Variants in KIAA0825 observed in about 807,000 individuals in gnomAD.
KIAA0825 encodes the protein KIAA0825.
A neutral mutation model predicts 147.6 loss-of-function variants in KIAA0825; 119 were observed. That is an observed-to-expected ratio of 0.81 (90% CI 0.69 to 0.94). The LOEUF (loss-of-function observed/expected upper bound fraction) is 0.94. KIAA0825 is among the 40% of genes least tolerant of loss of function. The pLI is 0.00. For missense variants in KIAA0825, 1,381 were observed against 1,472.7 expected (o/e 0.94, Z 1.02); for synonymous variants, 470 against 518.1 (o/e 0.91, Z 1.26).
At chr5:94,386,735 C>G (rs1036464978) in intron 18 of KIAA0825, among the ~76,000 whole-genome samples, 3 of 152,170 alleles carry the variant, frequency 2.0e-5, no homozygotes, top group African/African-American at 7.2e-5. Context: ...TGTCTGGTTA[C>G]CAAAACTTAA....
chr5:94,449,335 A>C lies in KIAA0825; in HGVS notation c.2357+3624T>G, dbSNP rs190975720. 2.6e-3 allele frequency among the ~76,000 whole-genome samples: 390 copies of C among 152,278 alleles called. 1 individual carries two copies. The highest frequency in any genetic ancestry group is 9.0e-3 in the African/African-American group (373 of 41,556). On this transcript the variant is annotated intron_variant, in intron 13 of 20. Coordinates refer to ENST00000682413, the MANE Select transcript of KIAA0825 (RefSeq NM_001145678.3). Reference sequence around the variant, plus strand: ...TCTGAATGAGAGAGAGATATAATGAAAACAGTCTTTTAAACACGTTAAATG... The same window carrying C: ...TCTGAATGAGAGAGAGATATAATGACAACAGTCTTTTAAACACGTTAAATG...
chr5:94,364,848 C>A (rs1584264098), intron 20 of KIAA0825, among the ~76,000 whole-genome samples: 1 of 152,086 alleles, frequency 6.6e-6, no homozygotes, highest in East Asian at 1.9e-4. Flanking sequence ...AAAGTGCAGC[C>A]TGTAAAATCG....
chr5:94,217,287 CA>C (rs1773291226), intron 20 of KIAA0825, among the ~76,000 whole-genome samples: 1 of 152,024 alleles, frequency 6.6e-6, no homozygotes, highest in Non-Finnish European at 1.5e-5. Flanking sequence ...AAATAAATAG[CA>C]TAGTGAAAAA....
At chr5:94,343,149 A>T (rs924707213) in intron 20 of KIAA0825, among the ~76,000 whole-genome samples, 7 of 152,224 alleles carry the variant, frequency 4.6e-5, no homozygotes, top group African/African-American at 7.2e-5. Context: ...ATCAATTGAT[A>T]TCTTATGAAG....
chr5:94,602,959 G>C lies in KIAA0825; in HGVS notation c.-153+15541C>G, dbSNP rs758120747. Among the ~76,000 whole-genome samples the C allele has an allele frequency of 2.0e-5, 3 of 151,992 alleles. No individual in the cohort carries two copies. In the South Asian group the frequency reaches 6.2e-4, roughly 32 times the overall value. On this transcript the variant is annotated intron_variant, in intron 1 of 20. Coordinates refer to ENST00000682413, the MANE Select transcript of KIAA0825 (RefSeq NM_001145678.3). ...TTCTCCCACCTCAGCCTCCCAAGTA[G>C]TTGGGATTACAGGTGCCTGCCATTG...
intron 20 of KIAA0825, among the ~76,000 whole-genome samples, chr5:94,217,081 TTC>T (rs1449126046): frequency 1.3e-5 from 2 of 152,208 alleles, no homozygotes; most frequent in African/African-American, 4.8e-5. Context: ...AAGGATTTTT[TTC>T]TCTTTTACTA....
In KIAA0825 at chr5:94,152,856, T is replaced by TTA. The variant is rs1175360792; in HGVS notation, c.*1149_*1150dup. ...AAAAAAAAAAAAAAAAAAAAAAAAA[T>TTA]TATATATATATATATATATATATAT... On this transcript the variant is annotated 3_prime_UTR_variant, in exon 21 of 21. Coordinates refer to ENST00000682413, the MANE Select transcript of KIAA0825 (RefSeq NM_001145678.3). 20 of 2,774 alleles carry TTA rather than the reference T, an allele frequency of 7.2e-3. No individual in the cohort carries two copies. The highest frequency in any genetic ancestry group is 0.024 in the South Asian group (1 of 42). 0.2% of individuals were successfully genotyped at this position (2,774 alleles called of 1,614,324 possible).
intron 2 of KIAA0825, among the ~76,000 whole-genome samples, chr5:94,558,211 A>G (rs1584885617): frequency 6.6e-6 from 1 of 152,168 alleles, no homozygotes; most frequent in South Asian, 2.1e-4. Flanking sequence ...GAGGCTTGCC[A>G]CCATCTTGGA....
chr5:94,593,901 A>G (rs1212210494), intron 1 of KIAA0825: 3 of 416,356 alleles, frequency 7.2e-6, no homozygotes, highest in Admixed American at 3.2e-5. Context: ...CCTCATTTGG[A>G]CGAAGTGGGA....
intron 5 of KIAA0825, among the ~76,000 whole-genome samples, chr5:94,513,590 C>T (rs936714942): frequency 1.3e-5 from 2 of 152,060 alleles, no homozygotes; most frequent in Non-Finnish European, 2.9e-5. Context: ...TTGTGCCCTT[C>T]TGTCTTTAGA....
chr5:94,611,019 AC>A (rs1788670942), intron 1 of KIAA0825, among the ~76,000 whole-genome samples: 1 of 152,038 alleles, frequency 6.6e-6, no homozygotes, highest in Non-Finnish European at 1.5e-5. Context: ...GTTGCTAGAA[AC>A]AACTGCAGCT....
At chr5:94,418,330 T>A (rs757176903) in intron 14 of KIAA0825, among the ~76,000 whole-genome samples, 1 of 152,178 alleles carries the variant, frequency 6.6e-6, no homozygotes, top group Non-Finnish European at 1.5e-5. Flanking sequence ...AGAAATAACA[T>A]CATAGACTTT....
intron 20 of KIAA0825, among the ~76,000 whole-genome samples, chr5:94,352,941 G>A (rs1180071577): frequency 6.7e-6 from 1 of 148,302 alleles, no homozygotes; most frequent in African/African-American, 2.5e-5. Flanking sequence ...GTGGGAGGGG[G>A]GTGAGGGCTA....
chr5:94,436,256 G>A lies in KIAA0825; in HGVS notation c.2497+3726C>T, dbSNP rs146342995. 6.7e-3 allele frequency among the ~76,000 whole-genome samples: 1,019 copies of A among 152,004 alleles called. 11 individuals are homozygous for A. Among genetic ancestry groups the A allele is most frequent in the African/African-American group, 0.024 (988 of 41,468 alleles). Reference sequence around the variant, plus strand: ...TTTCTTCTAGGGTTTTTATGGTTTTGGGTTTTACATTTAAGTCTTTAATAT... The same window carrying A: ...TTTCTTCTAGGGTTTTTATGGTTTTAGGTTTTACATTTAAGTCTTTAATAT... On this transcript the variant is annotated intron_variant, in intron 14 of 20. Transcript: ENST00000682413.
chr5:94,504,429 C>T (rs745844008), intron 5 of KIAA0825, among the ~76,000 whole-genome samples: 3 of 152,168 alleles, frequency 2.0e-5, no homozygotes, highest in African/African-American at 4.8e-5. Context: ...ATGCTTGGAA[C>T]TCCCTTGAAG....
At chr5:94,261,174 G>A (rs892095662) in intron 20 of KIAA0825, among the ~76,000 whole-genome samples, 3 of 151,408 alleles carry the variant, frequency 2.0e-5, no homozygotes, top group Non-Finnish European at 4.4e-5. Context: ...GTGGTGGTGC[G>A]TGCCTATAGT....
chr5:94,278,523 A>G (rs1167590000), intron 20 of KIAA0825, among the ~76,000 whole-genome samples: 1 of 152,120 alleles, frequency 6.6e-6, no homozygotes, highest in Non-Finnish European at 1.5e-5. Context: ...GTGTTTTGTG[A>G]TAAGGGATTT....
rs1783385384 is a variant in KIAA0825 at position 94,586,803 on chromosome 5, G to C, written c.-152-4220C>G. 1.3e-5 allele frequency among the ~76,000 whole-genome samples: 2 copies of C among 152,122 alleles called. 1 individual carries two copies. The highest frequency in any genetic ancestry group is 4.1e-4 in the South Asian group (2 of 4,822). ...ATGCAAAAATCCTCAATAAAAAACT[G>C]GCAAACTGAATTCAGCAGCACATCA... On this transcript the variant is annotated intron_variant, in intron 1 of 20. Transcript: ENST00000682413.
intron 9 of KIAA0825, 33 bp from the exon 10 acceptor site, chr5:94,470,144 TTTAAGG>T: frequency 6.6e-7 from 1 of 1,524,956 alleles, no homozygotes; most frequent in Non-Finnish European, 8.8e-7. Context: ...GAGACAGAGA[TTTAAGG>T]CCTGTGCAGT....
Sources: gnomAD v4.1 joint callset for allele counts (sites outside exome capture counted in the v4.1 genomes callset) on GRCh38, gnomAD v4.1.1 for gene constraint, MANE v1.5 for transcripts, NCBI Gene and HGNC (gene_info 2026-07-23, HGNC 2026-07-21) for gene names.